The following MGAT4C variants were observed in gnomAD, a reference collection of about 807,000 sequenced individuals.
MGAT4C encodes alpha-1,3-mannosyl-glycoprotein 4-beta-N-acetylglucosaminyltransferase C.
MGAT4C carries 19 observed loss-of-function variants against 40.1 expected under a neutral mutation model. The observed-to-expected ratio is 0.47, with a 90% CI of 0.33 to 0.70. MGAT4C has a LOEUF of 0.70. Among genes scored for constraint, MGAT4C ranks in the 30% least tolerant of loss-of-function variants. The pLI, the probability that MGAT4C is intolerant of heterozygous loss-of-function variation, is 0.02. For synonymous variants in MGAT4C, 181 were observed against 187.1 expected (o/e 0.97, Z 0.27); for missense variants, 491 against 563.2 (o/e 0.87, Z 1.30).
At chr12:86,750,864 C>A (rs944292977) in intron 1 of MGAT4C, among the ~76,000 whole-genome samples, 1 of 151,860 alleles carries the variant, frequency 6.6e-6, no homozygotes, top group Non-Finnish European at 1.5e-5. Flanking sequence ...AACTTCAGGC[C>A]AGACATGTAG....
chr12:86,824,753 A>AG (rs920137633), intron 1 of MGAT4C, among the ~76,000 whole-genome samples: 31 of 143,448 alleles, frequency 2.2e-4, no homozygotes, highest in South Asian at 1.1e-3. Flanking sequence ...AAAAAAAAAA[A>AG]AGAGAGAGAG....
intron 2 of MGAT4C, among the ~76,000 whole-genome samples, chr12:86,659,569 T>C (rs1963931022): frequency 2.0e-5 from 3 of 151,946 alleles, no homozygotes; most frequent in Non-Finnish European, 2.9e-5. Context: ...GTTGGAGTAA[T>C]GAAGGGTAGG....
In MGAT4C at chr12:85,979,522, G is replaced by T; in HGVS notation, c.1204C>A (p.Gln402Lys). Residue 402 changes from glutamine to lysine, a missense_variant, in exon 5 of 5, where the codon CAA becomes AAA. Coordinates refer to ENST00000611864, the MANE Select transcript of MGAT4C (RefSeq NM_001351288.2). Reference sequence around the variant, plus strand: ...GCTCCATGATGCAAAATATCATTTTGCCGATCTTCTGTTCCAGTATTTACT... The same window carrying T: ...GCTCCATGATGCAAAATATCATTTTTCCGATCTTCTGTTCCAGTATTTACT... ...IKVNTGTEDR[Q>K]NDILHHGALD... The T allele has an allele frequency of 6.2e-7, 1 of 1,612,374 alleles. No individual in the cohort carries two copies.
intron 1 of MGAT4C, among the ~76,000 whole-genome samples, chr12:86,244,080 G>C (rs774219650): frequency 2.6e-5 from 4 of 152,140 alleles, no homozygotes; most frequent in Non-Finnish European, 5.9e-5. Flanking sequence ...AAATGCAAGA[G>C]AAATGCTTAT....
intron 1 of MGAT4C, among the ~76,000 whole-genome samples, chr12:86,777,421 A>G (rs2136177805): frequency 6.6e-6 from 1 of 152,288 alleles, no homozygotes; most frequent in East Asian, 1.9e-4. Flanking sequence ...CAGATAATTT[A>G]TCAGAATTGG....
At chr12:86,178,985 T>A (rs1158145908) in intron 1 of MGAT4C, among the ~76,000 whole-genome samples, 1 of 152,218 alleles carries the variant, frequency 6.6e-6, no homozygotes, top group Non-Finnish European at 1.5e-5. Flanking sequence ...TTCAATACGA[T>A]ACTATTCACA....
At chr12:86,636,582 T>C (rs1243205577) in intron 2 of MGAT4C, among the ~76,000 whole-genome samples, 1 of 152,068 alleles carries the variant, frequency 6.6e-6, no homozygotes, top group Non-Finnish European at 1.5e-5. Flanking sequence ...TTTCATATAT[T>C]ATTGTCATCA....
intron 2 of MGAT4C, among the ~76,000 whole-genome samples, chr12:86,663,331 A>G (rs1964023622): frequency 6.8e-6 from 1 of 146,968 alleles, no homozygotes; most frequent in African/African-American, 2.6e-5. Flanking sequence ...GCCTGAGTGA[A>G]AAAGTGATAC....
intron 1 of MGAT4C, among the ~76,000 whole-genome samples, chr12:86,099,674 C>T (rs1251788093): frequency 6.6e-6 from 1 of 150,924 alleles, no homozygotes; most frequent in East Asian, 1.9e-4. Context: ...AGGAAATTTC[C>T]CTTTGAATTT....
rs779251346 is a variant in MGAT4C, at chr12:86,041,765, C to T, written c.-7+7909G>A. Among the ~76,000 whole-genome samples the T allele has an allele frequency of 9.9e-5, 15 of 152,198 alleles. No individual in the cohort carries two copies. The East Asian group carries it at 1.5e-3, about 16-fold the overall frequency. ...TATGCAGTCAATTTCAGAGTATACC[C>T]GTGTGCACGTGAAAAGAATGTATAT... On this transcript the variant is annotated intron_variant, in intron 2 of 4. Coordinates refer to ENST00000611864, the MANE Select transcript of MGAT4C (RefSeq NM_001351288.2).
intron 2 of MGAT4C, among the ~76,000 whole-genome samples, chr12:86,669,246 A>G (rs1283763212): frequency 6.6e-6 from 1 of 152,074 alleles, no homozygotes; most frequent in Admixed American, 6.5e-5. Flanking sequence ...GAAGATTCTC[A>G]GGCATTTGAA....
chr12:86,495,520 G>C (rs1313262729), intron 2 of MGAT4C, among the ~76,000 whole-genome samples: 1 of 151,992 alleles, frequency 6.6e-6, no homozygotes, highest in African/African-American at 2.4e-5. Flanking sequence ...TTGAAGACTG[G>C]CTGGTGTTCT....
intron 2 of MGAT4C, among the ~76,000 whole-genome samples, chr12:86,451,081 G>A (rs548106982): frequency 2.0e-5 from 3 of 152,158 alleles, no homozygotes; most frequent in Non-Finnish European, 2.9e-5. Flanking sequence ...AAATGTAATC[G>A]CCAATGTTGG....
rs112548961 is a variant in MGAT4C, at chr12:86,530,343, C to G, written c.-228-95078G>C. Among the ~76,000 whole-genome samples, 511 of 152,040 alleles carry G rather than the reference C, an allele frequency of 3.4e-3. 1 individual carries two copies. The highest frequency in any genetic ancestry group is 0.012 in the African/African-American group (494 of 41,552). The stretch of plus-strand genomic sequence containing the variant: ...CATCTAAACTGAATAAATATTTCAT[C>G]TATCCCCTAGGAAGATAGCCTCTGA... On this transcript the variant is annotated intron_variant, in intron 2 of 7. Coordinates refer to the MGAT4C transcript ENST00000548651.
intron 2 of MGAT4C, among the ~76,000 whole-genome samples, chr12:86,006,121 G>A (rs368301437): frequency 1.3e-5 from 2 of 152,120 alleles, no homozygotes; most frequent in East Asian, 1.9e-4. Context: ...AACAGATTAT[G>A]TATGGACAGC....
intron 2 of MGAT4C, among the ~76,000 whole-genome samples, chr12:86,569,926 C>G (rs141508785): frequency 6.6e-6 from 1 of 151,990 alleles, no homozygotes; most frequent in African/African-American, 2.4e-5. Flanking sequence ...GGAGGGCATT[C>G]TGTTAAGTAA....
chr12:86,079,457 C>T (rs950649317), intron 1 of MGAT4C, among the ~76,000 whole-genome samples: 4 of 152,078 alleles, frequency 2.6e-5, no homozygotes, highest in African/African-American at 7.2e-5. Context: ...ACTATGAGAT[C>T]AAAAGAGCAA....
At chr12:86,033,105 T>C in intron 2 of MGAT4C, among the ~76,000 whole-genome samples, 1 of 149,832 alleles carries the variant, frequency 6.7e-6, no homozygotes, top group Admixed American at 6.7e-5. Context: ...GTGATCTCTA[T>C]TCTGTTCCTT....
intron 1 of MGAT4C, among the ~76,000 whole-genome samples, chr12:86,728,872 T>C (rs1481724563): frequency 6.6e-6 from 1 of 152,238 alleles, no homozygotes; most frequent in Admixed American, 6.5e-5. Context: ...CTTTTTGTCT[T>C]AGCATTATAT....
Sources: gnomAD v4.1 joint callset for allele counts (sites outside exome capture counted in the v4.1 genomes callset) on GRCh38, gnomAD v4.1.1 for gene constraint, MANE v1.5 for transcripts, NCBI Gene and HGNC (gene_info 2026-07-23, HGNC 2026-07-21) for gene names.